The following COL4A2 variants were observed in gnomAD, a reference collection of about 807,000 sequenced individuals.
The protein encoded by COL4A2 is collagen alpha-2(IV) chain.
COL4A2 carries 99 observed loss-of-function variants against 200.2 expected under a neutral mutation model. The ratio of observed to expected loss-of-function variants is 0.49; its 90% CI spans 0.42 to 0.58. The LOEUF (loss-of-function observed/expected upper bound fraction) is 0.58, where lower values mean the gene tolerates loss of function less well. Ranked by LOEUF, COL4A2 falls within the 20% of genes least tolerant of loss-of-function variation. COL4A2 has a pLI of 0.00. For missense variants in COL4A2, 1,950 were observed against 2,314.1 expected (o/e 0.84, Z 3.23); for synonymous variants, 897 against 900.6 (o/e 1.00, Z 0.07).
intron 4 of COL4A2, among the ~76,000 whole-genome samples, chr13:110,371,326 G>A (rs935722999): frequency 3.9e-5 from 6 of 152,168 alleles, no homozygotes; most frequent in African/African-American, 9.7e-5. Flanking sequence ...CATGATGTGC[G>A]TTGTATGTGT....
intron 40 of COL4A2, among the ~76,000 whole-genome samples, chr13:110,496,110 G>A (rs2139542229): frequency 6.6e-6 from 1 of 152,276 alleles, no homozygotes; most frequent in Non-Finnish European, 1.5e-5. Context: ...CTCAGGTACG[G>A]GAGCTGGGCA....
At chr13:110,465,978 C>T in intron 25 of COL4A2, 25 bp from the exon 26 acceptor site, 1 of 1,610,922 alleles carries the variant, frequency 6.2e-7, no homozygotes, top group Middle Eastern at 1.7e-4. Flanking sequence ...AATTGCCTCA[C>T]TCTGTCCTTA....
At chr13:110,325,270 C>T (rs1270151860) in intron 3 of COL4A2, among the ~76,000 whole-genome samples, 7 of 152,256 alleles carry the variant, frequency 4.6e-5, no homozygotes, top group Non-Finnish European at 8.8e-5. Context: ...AGAGTTTACC[C>T]GAAGATTTTT....
At chr13:110,445,774 C>G in intron 16 of COL4A2, 55 bp from the exon 17 acceptor site, 1 of 1,603,322 alleles carries the variant, frequency 6.2e-7, no homozygotes, top group East Asian at 2.2e-5. Context: ...ATTGCAGTCC[C>G]TTTTTGGAGT....
intron 47 of COL4A2, among the ~76,000 whole-genome samples, chr13:110,509,177 T>C (rs995617198): frequency 3.3e-5 from 5 of 150,124 alleles, no homozygotes; most frequent in African/African-American, 1.2e-4. Context: ...AGTTTATTTA[T>C]ATGCATTATA....
At position 110,483,314 on chromosome 13, in the gene COL4A2, G is replaced by T. The variant is rs1371229089; in HGVS notation, c.2902+655G>T. Among the ~76,000 whole-genome samples, 4 of 152,310 alleles carry T rather than the reference G, an allele frequency of 2.6e-5. 1 individual carries two copies. In the South Asian group the frequency reaches 8.3e-4, roughly 32 times the overall value. On this transcript the variant is annotated intron_variant, in intron 32 of 47. Coordinates refer to ENST00000360467, the MANE Select transcript of COL4A2 (RefSeq NM_001846.4). ...GAACCTTCACAGGCTGCCAGCAGGAGTGTAAAACGCTGCGGCCAGTGTGCC... is the reference window on the plus strand; with the variant it reads ...GAACCTTCACAGGCTGCCAGCAGGATTGTAAAACGCTGCGGCCAGTGTGCC...
At chr13:110,319,353 A>T (rs899508815) in intron 3 of COL4A2, among the ~76,000 whole-genome samples, 2 of 152,254 alleles carry the variant, frequency 1.3e-5, no homozygotes, top group African/African-American at 2.4e-5. Context: ...AAATGGAAAC[A>T]CTTATAAACA....
chr13:110,344,393 G>A (rs546964025), intron 3 of COL4A2, among the ~76,000 whole-genome samples: 1 of 152,294 alleles, frequency 6.6e-6, no homozygotes, highest in East Asian at 1.9e-4. Context: ...CAACATTGAG[G>A]TTTAAATGAG....
At chr13:110,338,763 G>A (rs1876321452) in intron 3 of COL4A2, among the ~76,000 whole-genome samples, 1 of 152,230 alleles carries the variant, frequency 6.6e-6, no homozygotes. Context: ...GACGCAAGCT[G>A]AAAAAATGTC....
At position 110,474,843 on chromosome 13, in the gene COL4A2, ATG is replaced by A. The variant is rs1566555501; in HGVS notation, c.2425+1694_2425+1695del. ...CACGTACCCACACACGTGCCTGTGC[ATG>A]CTCAAACATGATCACACACTCCATA... On this transcript the variant is annotated intron_variant, in intron 29 of 47. Transcript: ENST00000360467. 2.2e-4 allele frequency among the ~76,000 whole-genome samples: 31 copies of A among 139,786 alleles called. 3 individuals carry two copies. The highest frequency in any genetic ancestry group is 2.5e-4 in the Non-Finnish European group (16 of 63,720). 91.7% of individuals were successfully genotyped at this position (139,786 alleles called of 152,430 possible).
intron 33 of COL4A2, 99 bp from the exon 34 acceptor site, chr13:110,485,556 C>T (rs1883091378): frequency 1.0e-5 from 7 of 693,086 alleles, no homozygotes; most frequent in South Asian, 6.3e-5. Context: ...AGATTCACAG[C>T]ACGTAGGACA....
chr13:110,394,408 C>A (rs1879112054), intron 4 of COL4A2, among the ~76,000 whole-genome samples: 1 of 152,176 alleles, frequency 6.6e-6, no homozygotes. Flanking sequence ...AGTCACATGA[C>A]ATTCGCACAA....
At chr13:110,355,279 T>G (rs1361452496) in intron 3 of COL4A2, among the ~76,000 whole-genome samples, 2 of 151,122 alleles carry the variant, frequency 1.3e-5, no homozygotes, top group East Asian at 3.9e-4. Context: ...GAGCCACTGC[T>G]CACCTGTTTG....
intron 43 of COL4A2, 122 bp from the exon 44 acceptor site, chr13:110,503,725 G>A (rs1883735040): frequency 3.2e-6 from 4 of 1,252,576 alleles, no homozygotes; most frequent in African/African-American, 1.5e-5. Flanking sequence ...CTCATCTCTA[G>A]AAAGCACAGT....
At chr13:110,375,829 C>CAA (rs112359356) in intron 4 of COL4A2, among the ~76,000 whole-genome samples, 2 of 137,504 alleles carry the variant, frequency 1.5e-5, no homozygotes, top group East Asian at 2.1e-4. Context: ...GACTCTGTCT[C>CAA]AAAAAAAAAA....
Position 110,485,816 on chromosome 13 carries a change from C to A in COL4A2, c.3187C>A (p.Pro1063Thr). ...VAGPPGITGF[P>T]GFIGSRGDKG... ...TGGCCCCCCTGGAATTACGGGATTC[C>A]CAGGATTCATAGGAAGCCGGGTGAG... Residue 1063 changes from proline (P) to threonine (T), a missense_variant, in exon 34 of 48, where the codon CCA becomes ACA. By Grantham distance (38) the Pro-to-Thr change is conservative (BLOSUM62 -1). Transcript: ENST00000360467. The A allele has an allele frequency of 6.2e-7, 1 of 1,613,710 alleles. No homozygotes were observed. Among genetic ancestry groups the A allele is most frequent in the South Asian group, 1.1e-5 (1 of 91,080 alleles).
intron 22 of COL4A2, chr13:110,459,684 T>TA (rs1182356609): frequency 6.6e-6 from 1 of 152,208 alleles, no homozygotes; most frequent in East Asian, 1.9e-4. Flanking sequence ...GTGAAAATAC[T>TA]AAAAATCACT....
intron 3 of COL4A2, among the ~76,000 whole-genome samples, chr13:110,337,264 G>A (rs147489726): frequency 6.6e-6 from 1 of 152,218 alleles, no homozygotes; most frequent in African/African-American, 2.4e-5. Context: ...TCACAGCCAA[G>A]TTTGGAAACC....
chr13:110,361,789 G>A (rs2139392714), intron 4 of COL4A2, among the ~76,000 whole-genome samples: 1 of 152,310 alleles, frequency 6.6e-6, no homozygotes. Context: ...ACAGAGTTGA[G>A]GCCTGAAGAG....
Sources: gnomAD v4.1 joint callset for allele counts (sites outside exome capture counted in the v4.1 genomes callset) on GRCh38, gnomAD v4.1.1 for gene constraint, MANE v1.5 for transcripts, NCBI Gene and HGNC (gene_info 2026-07-23, HGNC 2026-07-21) for gene names.